Variants in MAP4K3 observed in about 807,000 individuals in gnomAD.
The protein encoded by MAP4K3 is MAPK/ERK kinase kinase kinase 3.
MAP4K3 carries 94 observed loss-of-function variants against 143.5 expected under a neutral mutation model. The observed-to-expected ratio is 0.65, with a 90% CI of 0.55 to 0.78. The LOEUF is 0.78. Ranked by LOEUF, MAP4K3 falls within the 30% of genes least tolerant of loss-of-function variation. The probability of loss-of-function intolerance (pLI) is 0.00; values close to 1 mark genes in which losing one functional copy is unlikely to be tolerated. For synonymous variants in MAP4K3, 416 were observed against 347.2 expected, an observed-to-expected ratio of 1.20 and a Z score of -2.20; for missense variants, 1,077 against 1,068.1, an observed-to-expected ratio of 1.01 and a Z score of -0.12.
chr2:39,260,565 G>C (rs752734539), intron 29 of MAP4K3, 41 bp downstream of exon 29: 31 of 1,547,022 alleles, frequency 2.0e-5, no homozygotes, highest in Non-Finnish European at 2.7e-5. Flanking sequence ...TATAAAACCA[G>C]TATATGTATT....
At chr2:39,284,333 G>C (rs59121834) in intron 21 of MAP4K3, among the ~76,000 whole-genome samples, 10,913 of 151,802 alleles carry the variant, frequency 0.072, 790 homozygotes, top group African/African-American at 0.19. Flanking sequence ...GGCTGTTTCT[G>C]TATTTGTAGT....
chr2:39,426,182 G>A lies in MAP4K3; in HGVS notation c.96+10710C>T, dbSNP rs551540984. On this transcript the variant is annotated intron_variant, in intron 1 of 33. Coordinates refer to ENST00000263881, the MANE Select transcript of MAP4K3 (RefSeq NM_003618.4). The stretch of plus-strand genomic sequence containing the variant: ...AGGATACACATCACTATAAATTTCC[G>A]TCAAAAAATGTGTAACATGAATTTA... Among the ~76,000 whole-genome samples, 19 of 152,112 alleles carry A rather than the reference G, an allele frequency of 1.2e-4. No homozygotes were observed. In the East Asian group the frequency reaches 3.1e-3, roughly 25 times the overall value.
At chr2:39,401,580 G>A (rs575041820) in intron 1 of MAP4K3, among the ~76,000 whole-genome samples, 1 of 152,152 alleles carries the variant, frequency 6.6e-6, no homozygotes, top group African/African-American at 2.4e-5. Flanking sequence ...CAAGTGGAGC[G>A]CTTGAGCTGA....
intron 4 of MAP4K3, among the ~76,000 whole-genome samples, 170 bp from the exon 5 acceptor site, chr2:39,337,751 A>ATTTTTTTTTT (rs1573169563): frequency 2.5e-5 from 2 of 80,126 alleles, no homozygotes; most frequent in African/African-American, 8.4e-5. Context: ...GCCTGGCTCC[A>ATTTTTTTTTT]GTTTTTTTTT....
At chr2:39,375,227 C>T (rs189113583) in intron 2 of MAP4K3, among the ~76,000 whole-genome samples, 8 of 152,256 alleles carry the variant, frequency 5.3e-5, no homozygotes, top group African/African-American at 1.9e-4. Flanking sequence ...CCACTGCACT[C>T]CAGCCTGGGC....
In MAP4K3 at chr2:39,286,792, C is replaced by G. The variant is rs3755173; in HGVS notation, c.1587+60G>C. 3 of 1,014,310 alleles carry G rather than the reference C, an allele frequency of 3.0e-6. No individual in the cohort carries two copies. In the East Asian group the frequency reaches 7.4e-5, roughly 25 times the overall value. 62.8% of individuals were successfully genotyped at this position (1,014,310 alleles called of 1,614,324 possible). ...AGTGTCACTAATTGTAAGCATAAAACTAACTTAACAGTTAAAAAGGAAACA... is the reference window on the plus strand; with the variant it reads ...AGTGTCACTAATTGTAAGCATAAAAGTAACTTAACAGTTAAAAAGGAAACA... On this transcript the variant is annotated intron_variant, in intron 21 of 33. Coordinates refer to ENST00000263881, the MANE Select transcript of MAP4K3 (RefSeq NM_003618.4).
chr2:39,319,834 C>G (rs890638692), intron 12 of MAP4K3, among the ~76,000 whole-genome samples: 1 of 152,176 alleles, frequency 6.6e-6, no homozygotes, highest in African/African-American at 2.4e-5. Flanking sequence ...TTACATGAAT[C>G]TTAAGGCTAA....
chr2:39,420,256 G>A (rs2148627274), intron 1 of MAP4K3, among the ~76,000 whole-genome samples: 1 of 152,222 alleles, frequency 6.6e-6, no homozygotes, highest in East Asian at 1.9e-4. Flanking sequence ...TTTCAACTGG[G>A]AAATATTTAG....
At position 39,286,421 on chromosome 2, in the gene MAP4K3, T is replaced by C. The variant is rs367609391; in HGVS notation, c.1587+431A>G. Among the ~76,000 whole-genome samples, 74 of 152,330 alleles carry C rather than the reference T, an allele frequency of 4.9e-4. No homozygotes were observed. The Middle Eastern group carries it at 0.01, about 21-fold the overall frequency. On this transcript the variant is annotated intron_variant, in intron 21 of 33. Coordinates refer to ENST00000263881, the MANE Select transcript of MAP4K3 (RefSeq NM_003618.4). Reference sequence around the variant, plus strand: ...GGGTTAGGGACCCCTGATCTATAGTTAGAAATTTGTCCTGGGGTAGAAGCT... The same window carrying C: ...GGGTTAGGGACCCCTGATCTATAGTCAGAAATTTGTCCTGGGGTAGAAGCT...
intron 12 of MAP4K3, among the ~76,000 whole-genome samples, chr2:39,321,956 T>C (rs1361155683): frequency 6.6e-6 from 1 of 152,210 alleles, no homozygotes; most frequent in Non-Finnish European, 1.5e-5. Flanking sequence ...AAATGATCAA[T>C]AAATACTAAG....
intron 13 of MAP4K3, among the ~76,000 whole-genome samples, chr2:39,311,433 T>C (rs957274168): frequency 2.0e-5 from 3 of 152,198 alleles, no homozygotes; most frequent in Non-Finnish European, 4.4e-5. Flanking sequence ...TACAGGGTAC[T>C]TGTGGAAGCC....
intron 19 of MAP4K3, among the ~76,000 whole-genome samples, chr2:39,290,053 C>CA (rs1681968698): frequency 6.9e-6 from 1 of 144,012 alleles, no homozygotes; most frequent in South Asian, 2.2e-4. Flanking sequence ...TGCCACTGTA[C>CA]TCCAGCCTGG....
At chr2:39,360,315 T>C (rs1408870854) in intron 2 of MAP4K3, among the ~76,000 whole-genome samples, 3 of 152,238 alleles carry the variant, frequency 2.0e-5, no homozygotes, top group Admixed American at 6.5e-5. Context: ...CTGGACTTTA[T>C]TGTCCATATC....
intron 2 of MAP4K3, among the ~76,000 whole-genome samples, chr2:39,357,329 T>C (rs547088086): frequency 6.6e-6 from 1 of 152,366 alleles, no homozygotes; most frequent in African/African-American, 2.4e-5. Context: ...TAAAGTATTA[T>C]ATACTATGAA....
At chr2:39,372,395 T>A (rs1166410719) in intron 2 of MAP4K3, among the ~76,000 whole-genome samples, 1 of 151,064 alleles carries the variant, frequency 6.6e-6, no homozygotes, top group Non-Finnish European at 1.5e-5. Context: ...GCAATTCCTA[T>A]CAAAATATGA....
intron 3 of MAP4K3, among the ~76,000 whole-genome samples, chr2:39,349,847 C>G (rs1252033319): frequency 1.6e-4 from 25 of 152,120 alleles, no homozygotes; most frequent in Admixed American, 1.6e-3. Context: ...TCAATACACC[C>G]ATTTTTTTAC....
At chr2:39,276,601 C>T (rs1239859729) in intron 24 of MAP4K3, among the ~76,000 whole-genome samples, 5 of 152,116 alleles carry the variant, frequency 3.3e-5, no homozygotes, top group African/African-American at 4.8e-5. Flanking sequence ...TTTTCTCATC[C>T]GTGAAGTGAG....
intron 24 of MAP4K3, among the ~76,000 whole-genome samples, chr2:39,276,146 A>G (rs1209620937): frequency 6.6e-6 from 1 of 152,192 alleles, no homozygotes; most frequent in Non-Finnish European, 1.5e-5. Flanking sequence ...TGCTGGGATT[A>G]CAGGCATGAG....
chr2:39,292,759 G>C lies in MAP4K3; in HGVS notation c.1271+14C>G, dbSNP rs186875768. 81 of 1,610,232 alleles carry C rather than the reference G, an allele frequency of 5.0e-5. No homozygotes were observed. In the African/African-American group the frequency reaches 8.7e-4, roughly 17 times the overall value. ...ACACCTTTTCTTTTTACCAAAAACA[G>C]AGACAGAACTTACTGTTTAGATTCA... is the stretch of plus-strand genomic sequence containing the variant. On this transcript the variant is annotated intron_variant, in intron 18 of 33. Transcript: ENST00000263881.
Sources: allele counts gnomAD v4.1 joint callset (sites outside exome capture counted in the v4.1 genomes callset), GRCh38; gene constraint gnomAD v4.1.1; transcripts MANE v1.5; gene names NCBI Gene and HGNC (gene_info 2026-07-23, HGNC 2026-07-21).